Variants in THSD7B observed in about 807,000 individuals in gnomAD.
The protein encoded by THSD7B is thrombospondin type-1 domain-containing protein 7B.
A neutral mutation model predicts 213.6 loss-of-function variants in THSD7B; 138 were observed. The observed-to-expected ratio is 0.65, with a 90% CI of 0.56 to 0.74. THSD7B has a LOEUF of 0.74. Among genes scored for constraint, THSD7B ranks in the 30% least tolerant of loss-of-function variants. The probability of loss-of-function intolerance (pLI) is 0.00; values close to 1 mark genes in which losing one functional copy is unlikely to be tolerated. For missense variants in THSD7B, 1,931 were observed against 1,991.5 expected, an observed-to-expected ratio of 0.97 and a Z score of 0.58; for synonymous variants, 742 against 687.0, an observed-to-expected ratio of 1.08 and a Z score of -1.25.
chr2:137,345,484 C>T (rs1294802048), intron 12 of THSD7B, among the ~76,000 whole-genome samples: 1 of 151,572 alleles, frequency 6.6e-6, no homozygotes, highest in African/African-American at 2.4e-5. Flanking sequence ...ACATAGACGT[C>T]TCTGAAAGAA....
At chr2:137,513,846 G>A (rs1373164929) in intron 15 of THSD7B, among the ~76,000 whole-genome samples, 1 of 152,188 alleles carries the variant, frequency 6.6e-6, no homozygotes, top group African/African-American at 2.4e-5. Flanking sequence ...AGTACGAGGA[G>A]ACAGTGATAT....
chr2:137,191,805 A>G (rs536960700), intron 7 of THSD7B, among the ~76,000 whole-genome samples: 12 of 152,176 alleles, frequency 7.9e-5, no homozygotes, highest in Non-Finnish European at 1.0e-4. Flanking sequence ...ATCATATTAT[A>G]TATACTGAAT....
intron 12 of THSD7B, among the ~76,000 whole-genome samples, chr2:137,334,432 C>G (rs1365386722): frequency 2.0e-5 from 3 of 152,080 alleles, no homozygotes; most frequent in Non-Finnish European, 4.4e-5. Context: ...TTCTCCACAC[C>G]CTGAACCCAC....
At chr2:137,070,760 T>C (rs986945402) in intron 3 of THSD7B, among the ~76,000 whole-genome samples, 4 of 151,732 alleles carry the variant, frequency 2.6e-5, no homozygotes, top group African/African-American at 9.7e-5. Context: ...CCCCTTCCTG[T>C]GTGCATGTGT....
intron 15 of THSD7B, among the ~76,000 whole-genome samples, chr2:137,504,066 AAGAG>A (rs1679778766): frequency 1.3e-5 from 2 of 151,780 alleles, no homozygotes; most frequent in Admixed American, 1.3e-4. Flanking sequence ...GAAAAAGGAA[AAGAG>A]AGAGAAAGTG....
intron 5 of THSD7B, among the ~76,000 whole-genome samples, chr2:137,126,125 T>A (rs1688625138): frequency 6.6e-6 from 1 of 152,198 alleles, no homozygotes; most frequent in African/African-American, 2.4e-5. Flanking sequence ...GAATGGGCAC[T>A]GACTTCAACT....
intron 26 of THSD7B, among the ~76,000 whole-genome samples, chr2:137,665,131 A>G (rs1683423204): frequency 1.3e-5 from 2 of 152,220 alleles, no homozygotes; most frequent in African/African-American, 4.8e-5. Context: ...GTGTTTAAAA[A>G]CATCTCATTA....
At chr2:136,862,552 G>T (rs927955113) in intron 1 of THSD7B, among the ~76,000 whole-genome samples, 1 of 152,116 alleles carries the variant, frequency 6.6e-6, no homozygotes, top group African/African-American at 2.4e-5. Context: ...TGGGGAGCTC[G>T]CAGTCGAATG....
At chr2:137,667,697 A>G in intron 26 of THSD7B, 77 bp from the exon 27 acceptor site, 1 of 1,216,626 alleles carries the variant, frequency 8.2e-7, no homozygotes, top group East Asian at 2.5e-5. Flanking sequence ...GGGTTGTCAG[A>G]TCTGATGTTG....
intron 17 of THSD7B, among the ~76,000 whole-genome samples, chr2:137,582,252 A>C (rs1007802592): frequency 6.6e-6 from 1 of 152,146 alleles, no homozygotes. Flanking sequence ...ATTTGGCATT[A>C]CTGGTATGCT....
intron 12 of THSD7B, among the ~76,000 whole-genome samples, chr2:137,306,902 A>G (rs1219890479): frequency 2.0e-5 from 3 of 152,156 alleles, no homozygotes; most frequent in African/African-American, 7.2e-5. Flanking sequence ...TCATAGATAA[A>G]TAGAACATAA....
intron 16 of THSD7B, among the ~76,000 whole-genome samples, chr2:137,565,908 A>G (rs1009320234): frequency 1.3e-5 from 2 of 152,166 alleles, no homozygotes; most frequent in Non-Finnish European, 2.9e-5. Flanking sequence ...TAAGTTTTCA[A>G]TATGTGAAAT....
At chr2:137,121,375 T>C (rs768933076) in intron 5 of THSD7B, among the ~76,000 whole-genome samples, 1 of 152,218 alleles carries the variant, frequency 6.6e-6, no homozygotes, top group Non-Finnish European at 1.5e-5. Flanking sequence ...TTTTGAATGA[T>C]GTGTGAGTCC....
chr2:137,409,570 T>A (rs936053381), intron 13 of THSD7B, among the ~76,000 whole-genome samples: 2 of 152,180 alleles, frequency 1.3e-5, no homozygotes, highest in Non-Finnish European at 2.9e-5. Context: ...ATGAAGACAG[T>A]CATTTAAAAT....
intron 12 of THSD7B, among the ~76,000 whole-genome samples, chr2:137,279,407 G>A (rs1054340718): frequency 2.6e-5 from 4 of 151,954 alleles, no homozygotes; most frequent in African/African-American, 9.7e-5. Context: ...GCCAGACATG[G>A]TAATGCATGC....
In THSD7B at chr2:137,470,549, C is replaced by T. The variant is rs140468285; in HGVS notation, c.3138+19526C>T. On this transcript the variant is annotated intron_variant, in intron 15 of 27. Coordinates refer to ENST00000409968, the MANE Select transcript of THSD7B (RefSeq NM_001316349.2). The stretch of plus-strand genomic sequence containing the variant: ...GATAGGTAGCCATTATTATTAATCA[C>T]GATGCTAGTAAGGATGCTGAAAGAA... 1.1e-3 allele frequency among the ~76,000 whole-genome samples: 163 copies of T among 152,172 alleles called. 1 individual carries two copies. The highest frequency in any genetic ancestry group is 3.7e-3 in the African/African-American group (152 of 41,504).
At chr2:137,653,552 C>T (rs1009518152) in intron 21 of THSD7B, among the ~76,000 whole-genome samples, 8 of 150,332 alleles carry the variant, frequency 5.3e-5, no homozygotes, top group Admixed American at 2.0e-4. Flanking sequence ...TTTTGAGCAC[C>T]AATAAATCCT....
intron 7 of THSD7B, among the ~76,000 whole-genome samples, chr2:137,206,720 T>C (rs1237837436): frequency 1.3e-5 from 2 of 152,062 alleles, no homozygotes; most frequent in Non-Finnish European, 2.9e-5. Flanking sequence ...TGTGGTAATG[T>C]ATCTGAGTAA....
intron 3 of THSD7B, among the ~76,000 whole-genome samples, chr2:137,065,000 G>A (rs1053053454): frequency 2.0e-5 from 3 of 151,408 alleles, no homozygotes; most frequent in African/African-American, 7.3e-5. Flanking sequence ...CCTATTCTGG[G>A]TCTTTTATGG....
Sources: allele counts gnomAD v4.1 joint callset (sites outside exome capture counted in the v4.1 genomes callset), GRCh38; gene constraint gnomAD v4.1.1; transcripts MANE v1.5; gene names NCBI Gene and HGNC (gene_info 2026-07-23, HGNC 2026-07-21).